The following BIRC6 variants were observed in gnomAD, a reference collection of about 807,000 sequenced individuals.
The protein encoded by BIRC6 is baculoviral IAP repeat containing 6.
BIRC6 carries 98 observed loss-of-function variants against 503.3 expected under a neutral mutation model. The ratio of observed to expected loss-of-function variants is 0.19; its 90% CI spans 0.17 to 0.23. The LOEUF (loss-of-function observed/expected upper bound fraction) is 0.23. BIRC6 is among the 10% of genes least tolerant of loss of function. The pLI is 1.00. For missense variants in BIRC6, 5,360 were observed against 5,806.0 expected, an observed-to-expected ratio of 0.92 and a Z score of 2.50; for synonymous variants, 2,240 against 2,078.7, an observed-to-expected ratio of 1.08 and a Z score of -2.11.
At chr2:32,434,412 T>A (rs1357656529) in intron 13 of BIRC6, among the ~76,000 whole-genome samples, 1 of 152,032 alleles carries the variant, frequency 6.6e-6, no homozygotes, top group Non-Finnish European at 1.5e-5. Flanking sequence ...TTTGAAAAAT[T>A]ACATATACGC....
At position 32,607,623 on chromosome 2, in the gene BIRC6, C is replaced by G. The variant is rs2062559371; in HGVS notation, c.14239C>G (p.Pro4747Ala). 1 of 1,608,044 alleles carries G rather than the reference C, an allele frequency of 6.2e-7. No individual in the cohort carries two copies. Among genetic ancestry groups the G allele is most frequent in the Non-Finnish European group, 8.5e-7 (1 of 1,176,902 alleles). ...KWAMLEQIRN[P>A]SPCFKEVIHK... ...GGCAATGCTAGAACAAATCAGAAACCCTTCACCATGTTTTAAAGAGGTATG... is the reference window on the plus strand; with the variant it reads ...GGCAATGCTAGAACAAATCAGAAACGCTTCACCATGTTTTAAAGAGGTATG... Residue 4747 changes from proline to alanine, a missense_variant, in exon 72 of 74, where the codon CCT (proline) becomes GCT (alanine). By Grantham distance (27) the Pro-to-Ala change is conservative. This residue lies in a region of BIRC6 where 40 missense variants were observed against 53.4 expected (regional missense o/e 0.75). Coordinates refer to ENST00000421745, the MANE Select transcript of BIRC6 (RefSeq NM_016252.4).
In BIRC6 at chr2:32,611,564, C is replaced by T. The variant is rs200805151; in HGVS notation, c.14376C>T (p.His4792=). The change falls in exon 73 of 74, where the codon CAC becomes CAT. Residue 4792 remains histidine, a synonymous_variant. Coordinates refer to ENST00000421745, the MANE Select transcript of BIRC6 (RefSeq NM_016252.4). ...AGCGGGTAGGCAGGACTATGTCTCA[C>T]CATGCAGCAGCTCTCAAGGTGAGTA... ...SDKRVGRTMS[H]HAAALKRHTA... The T allele has an allele frequency of 1.3e-6, 2 of 1,588,850 alleles. No homozygotes were observed. Among genetic ancestry groups the T allele is most frequent in the Admixed American group, 1.7e-5 (1 of 58,452 alleles).
At chr2:32,564,220 C>T (rs1356656198) in intron 65 of BIRC6, 1 of 152,144 alleles carries the variant, frequency 6.6e-6, no homozygotes, top group African/African-American at 2.4e-5. Flanking sequence ...TAAATTGGAT[C>T]ATATAATATG....
chr2:32,618,046 C>A lies in BIRC6; in HGVS notation c.*142C>A. ...GCCCTTAAGGAGATCCAGTTTAATT[C>A]AAGGTGATCTTTTATTTACCTGTAC... On this transcript the variant is annotated 3_prime_UTR_variant, in exon 74 of 74. Coordinates refer to ENST00000421745, the MANE Select transcript of BIRC6 (RefSeq NM_016252.4). The A allele has an allele frequency of 4.8e-6, 4 of 825,428 alleles. No homozygotes were observed. The highest frequency in any genetic ancestry group is 7.2e-6 in the Non-Finnish European group (4 of 557,626). 51.1% of individuals were successfully genotyped at this position (825,428 alleles called of 1,614,324 possible). A position where few individuals can be genotyped will look rare whatever the true frequency, so the allele number is the denominator to read the frequency against.
chr2:32,615,871 G>C (rs2063195664), intron 73 of BIRC6, among the ~76,000 whole-genome samples: 1 of 152,102 alleles, frequency 6.6e-6, no homozygotes, highest in Non-Finnish European at 1.5e-5. Context: ...TTGACCTCGT[G>C]ATCTGCCCGC....
At chr2:32,602,964 C>T in intron 70 of BIRC6, 42 bp from the exon 71 acceptor site, 2 of 1,523,614 alleles carry the variant, frequency 1.3e-6, no homozygotes, top group East Asian at 2.3e-5. Flanking sequence ...TGTTTTTAAG[C>T]ACTCTTTTTT....
intron 66 of BIRC6, among the ~76,000 whole-genome samples, chr2:32,581,926 G>C (rs556646414): frequency 7.2e-4 from 109 of 152,226 alleles, no homozygotes; most frequent in African/African-American, 2.5e-3. Context: ...GCAGTGGTGC[G>C]ATCTTGGCTC....
chr2:32,606,294 A>G (rs1373892710), intron 71 of BIRC6, among the ~76,000 whole-genome samples: 3 of 152,154 alleles, frequency 2.0e-5, no homozygotes, highest in South Asian at 2.1e-4. Context: ...CATCTTGTCA[A>G]TCAGAATTTC....
intron 61 of BIRC6, among the ~76,000 whole-genome samples, chr2:32,535,779 TC>T (rs2057182455): frequency 6.6e-6 from 1 of 152,232 alleles, no homozygotes; most frequent in African/African-American, 2.4e-5. Context: ...TGTGCATGTG[TC>T]TTTATAGCAG....
Position 32,401,318 on chromosome 2 carries a change from C to G in BIRC6, c.1190C>G (p.Pro397Arg), listed in dbSNP as rs753606549. The change falls in exon 7 of 74, where the codon CCT becomes CGT. Residue 397 changes from proline to arginine, a missense_variant. By Grantham distance (103) the Pro-to-Arg change is moderately radical. Transcript: ENST00000421745. ...TCTTGCTTTGGGTCGGGGAGCTGCCCTCATTTTCTAGCTGCTGCAACTAAA... is the reference window on the plus strand; with the variant it reads ...TCTTGCTTTGGGTCGGGGAGCTGCCGTCATTTTCTAGCTGCTGCAACTAAA... ...RISCFGSGSC[P>R]HFLAAATKRG... 13 of 1,613,974 alleles carry G rather than the reference C, an allele frequency of 8.1e-6. No individual in the cohort carries two copies. The highest frequency in any genetic ancestry group is 1.1e-5 in the Non-Finnish European group (13 of 1,179,888).
chr2:32,407,950 A>G (rs2041426457), intron 9 of BIRC6, among the ~76,000 whole-genome samples: 1 of 150,610 alleles, frequency 6.6e-6, no homozygotes, highest in Admixed American at 6.6e-5. Context: ...TTACTACTAC[A>G]TTTTCTTTCT....
chr2:32,451,057 T>A (rs932817951), intron 22 of BIRC6, among the ~76,000 whole-genome samples: 2 of 152,198 alleles, frequency 1.3e-5, no homozygotes, highest in Admixed American at 1.3e-4. Context: ...CAAGTTACAG[T>A]CATCTTGAAC....
intron 1 of BIRC6, among the ~76,000 whole-genome samples, chr2:32,368,037 A>C (rs2035220727): frequency 1.3e-5 from 2 of 152,212 alleles, no homozygotes; most frequent in Non-Finnish European, 2.9e-5. Flanking sequence ...ATGAAGTAGG[A>C]GAGACAGAAG....
intron 20 of BIRC6, among the ~76,000 whole-genome samples, 198 bp downstream of exon 20, chr2:32,443,786 T>C (rs1360274136): frequency 6.6e-6 from 1 of 152,238 alleles, no homozygotes; most frequent in Non-Finnish European, 1.5e-5. Flanking sequence ...AAAAGGTTCA[T>C]GGAGCAGTTA....
chr2:32,570,754 C>T (rs1225854256), intron 65 of BIRC6, among the ~76,000 whole-genome samples: 1 of 152,130 alleles, frequency 6.6e-6, no homozygotes, highest in Non-Finnish European at 1.5e-5. Flanking sequence ...CCACCTTGGC[C>T]TCCCAAAGTG....
intron 61 of BIRC6, among the ~76,000 whole-genome samples, chr2:32,539,005 C>G (rs2057452270): frequency 6.6e-6 from 1 of 152,140 alleles, no homozygotes; most frequent in South Asian, 2.1e-4. Context: ...GAGGAAAAAG[C>G]AAAGCCCAAG....
intron 53 of BIRC6, among the ~76,000 whole-genome samples, chr2:32,512,597 T>C (rs1295474762): frequency 6.6e-6 from 1 of 152,196 alleles, no homozygotes; most frequent in East Asian, 1.9e-4. Context: ...TGGCTATTAC[T>C]AGTATTTAAT....
At chr2:32,525,094 T>G (rs1350728410) in intron 58 of BIRC6, 75 bp downstream of exon 58, 2 of 1,246,542 alleles carry the variant, frequency 1.6e-6, no homozygotes, top group Non-Finnish European at 2.1e-6. Flanking sequence ...TTACAGGAAA[T>G]TTATGTAATA....
At chr2:32,440,217 A>T (rs1418116012) in intron 16 of BIRC6, among the ~76,000 whole-genome samples, 1 of 152,218 alleles carries the variant, frequency 6.6e-6, no homozygotes, top group East Asian at 1.9e-4. Context: ...TTTGTAATGT[A>T]TACTGAATAG....
Sources: allele counts gnomAD v4.1 joint callset (sites outside exome capture counted in the v4.1 genomes callset), GRCh38; gene constraint gnomAD v4.1.1; regional missense constraint gnomAD v4.1.1; transcripts MANE v1.5; gene names NCBI Gene and HGNC (gene_info 2026-07-23, HGNC 2026-07-21).